CSMD3: variants seen among roughly 807,000 people sequenced by gnomAD.
The protein encoded by CSMD3 is CUB and Sushi multiple domains 3.
A neutral mutation model predicts 435.2 loss-of-function variants in CSMD3; 177 were observed. The observed-to-expected ratio is 0.41, with a 90% CI of 0.36 to 0.46. CSMD3 has a LOEUF of 0.46. Ranked by LOEUF, CSMD3 falls within the 20% of genes least tolerant of loss-of-function variation. CSMD3 has a pLI of 0.34. For missense variants in CSMD3, 4,265 were observed against 4,504.6 expected (o/e 0.95, Z 1.52); for synonymous variants, 1,656 against 1,520.5 (o/e 1.09, Z -2.07).
chr8:112,272,601 C>T (rs368759274), intron 59 of CSMD3, among the ~76,000 whole-genome samples: 7 of 152,002 alleles, frequency 4.6e-5, no homozygotes, highest in South Asian at 2.1e-4. Flanking sequence ...GAGCTCTGCC[C>T]GTAGTCAGGA....
chr8:112,962,853 T>C (rs2084281379), intron 7 of CSMD3, among the ~76,000 whole-genome samples: 1 of 151,974 alleles, frequency 6.6e-6, no homozygotes, highest in African/African-American at 2.4e-5. Context: ...TCTGAATGGC[T>C]ACATCCTTGC....
At chr8:113,432,502 G>A (rs947941701) in intron 1 of CSMD3, among the ~76,000 whole-genome samples, 1 of 152,228 alleles carries the variant, frequency 6.6e-6, no homozygotes, top group Non-Finnish European at 1.5e-5. Context: ...CTACTCAGAT[G>A]GCACTATGCT....
At chr8:112,952,355 A>G (rs1308710553) in intron 8 of CSMD3, among the ~76,000 whole-genome samples, 2 of 151,676 alleles carry the variant, frequency 1.3e-5, no homozygotes, top group East Asian at 1.9e-4. Context: ...CGTGCCCATC[A>G]TAGAATTGAT....
chr8:112,685,749 A>T lies in CSMD3; in HGVS notation c.2156-17T>A. ...GGCAGGGAACTGGTGAAACAGGAAG[A>T]TTATGAAATACAATAAATATTCAAA... On this transcript the variant is annotated splice_polypyrimidine_tract_variant and intron_variant, in intron 14 of 70. Coordinates refer to ENST00000297405, the MANE Select transcript of CSMD3 (RefSeq NM_198123.2). 1 of 1,441,922 alleles carries T rather than the reference A, an allele frequency of 6.9e-7. No homozygotes were observed. The highest frequency in any genetic ancestry group is 9.8e-7 in the Non-Finnish European group (1 of 1,024,634). 89.3% of individuals were successfully genotyped at this position (1,441,922 alleles called of 1,614,324 possible).
chr8:112,919,572 T>C (rs1199806758), intron 10 of CSMD3, among the ~76,000 whole-genome samples: 1 of 151,820 alleles, frequency 6.6e-6, no homozygotes, highest in Non-Finnish European at 1.5e-5. Flanking sequence ...TTCTCTGTCA[T>C]CTATTTTCAC....
chr8:113,342,169 A>AT (rs1162183461), intron 1 of CSMD3, among the ~76,000 whole-genome samples: 2 of 152,150 alleles, frequency 1.3e-5, no homozygotes, highest in African/African-American at 4.8e-5. Context: ...AGTAGAAATA[A>AT]TTAAACTGTG....
chr8:113,111,357 G>C (rs1015106333), intron 4 of CSMD3, among the ~76,000 whole-genome samples: 3 of 152,072 alleles, frequency 2.0e-5, no homozygotes, highest in Non-Finnish European at 4.4e-5. Flanking sequence ...TTGGAGATGA[G>C]ACATTTGAAA....
intron 1 of CSMD3, among the ~76,000 whole-genome samples, chr8:113,377,674 C>T (rs777614208): frequency 3.9e-5 from 6 of 152,148 alleles, no homozygotes; most frequent in Admixed American, 1.3e-4. Context: ...TAGCAAAGCA[C>T]CACACTTGGA....
intron 1 of CSMD3, among the ~76,000 whole-genome samples, chr8:113,322,849 G>C (rs970127202): frequency 6.6e-6 from 1 of 152,054 alleles, no homozygotes; most frequent in Admixed American, 6.5e-5. Context: ...GGGTTCAAGC[G>C]ATTGTCGTGT....
chr8:112,830,658 A>C (rs557360034), intron 11 of CSMD3, among the ~76,000 whole-genome samples: 1 of 152,086 alleles, frequency 6.6e-6, no homozygotes, highest in Non-Finnish European at 1.5e-5. Context: ...TGAAGTTACC[A>C]TATTATGAGA....
At chr8:113,012,558 A>G (rs1340846714) in intron 6 of CSMD3, among the ~76,000 whole-genome samples, 1 of 152,028 alleles carries the variant, frequency 6.6e-6, no homozygotes, top group African/African-American at 2.4e-5. Context: ...GTGAATTCTC[A>G]GAAGAGCTGA....
In CSMD3 at chr8:112,650,353, G is replaced by C. The variant is rs766382905; in HGVS notation, c.3005-4C>G. On this transcript the variant is annotated splice_region_variant and splice_polypyrimidine_tract_variant and intron_variant, in intron 18 of 70. Coordinates refer to ENST00000297405, the MANE Select transcript of CSMD3 (RefSeq NM_198123.2). ...GAATACGTGTTCACTGTAACACCTG[G>C]AAAACAAAGGGAAGAAAATAAAGAG... The C allele has an allele frequency of 4.3e-6, 7 of 1,609,898 alleles. No individual in the cohort carries two copies. The East Asian group carries it at 1.6e-4, about 36-fold the overall frequency.
At chr8:112,644,464 A>G (rs1012706127) in intron 20 of CSMD3, among the ~76,000 whole-genome samples, 1 of 152,060 alleles carries the variant, frequency 6.6e-6, no homozygotes, top group African/African-American at 2.4e-5. Context: ...AGGTTGTAAA[A>G]GTTTTATGAG....
At chr8:112,680,488 G>A (rs1235360828) in intron 16 of CSMD3, among the ~76,000 whole-genome samples, 5 of 152,180 alleles carry the variant, frequency 3.3e-5, no homozygotes, top group African/African-American at 1.2e-4. Flanking sequence ...GAAAAACTAA[G>A]TATTACTATC....
In CSMD3 at chr8:112,301,789, G is replaced by A; in HGVS notation, c.8440+4C>T. 6.2e-7 allele frequency: 1 copy of A among 1,612,140 alleles called. No homozygotes were observed. Among genetic ancestry groups the A allele is most frequent in the Non-Finnish European group, 8.5e-7 (1 of 1,178,356 alleles). On this transcript the variant is annotated splice_donor_region_variant and intron_variant, in intron 53 of 70. Transcript: ENST00000297405. ...TTTGACAAAAACAAATTAAAAATCT[G>A]TACCTAGGCATCTGGTTTCAGATTC...
chr8:113,038,118 G>A (rs1376493628), intron 5 of CSMD3, among the ~76,000 whole-genome samples: 2 of 152,088 alleles, frequency 1.3e-5, no homozygotes, highest in African/African-American at 2.4e-5. Flanking sequence ...TGGGGCAAAA[G>A]GGCAGGAACA....
intron 30 of CSMD3, among the ~76,000 whole-genome samples, chr8:112,501,576 C>T (rs957099058): frequency 2.0e-5 from 3 of 152,122 alleles, no homozygotes; most frequent in Non-Finnish European, 4.4e-5. Context: ...AGCTCTCATC[C>T]TCTGATTTTT....
chr8:112,553,648 A>T (rs1353373843), intron 25 of CSMD3, among the ~76,000 whole-genome samples: 1 of 152,000 alleles, frequency 6.6e-6, no homozygotes, highest in East Asian at 1.9e-4. Context: ...AAAACAAGTG[A>T]CTCCATTTTG....
chr8:113,107,217 C>A (rs1390560002), intron 4 of CSMD3, among the ~76,000 whole-genome samples: 1 of 152,204 alleles, frequency 6.6e-6, no homozygotes, highest in South Asian at 2.1e-4. Context: ...TGGCATCAGG[C>A]AGGGCCTGAT....
Sources: gnomAD v4.1 joint callset for allele counts (sites outside exome capture counted in the v4.1 genomes callset) on GRCh38, gnomAD v4.1.1 for gene constraint, MANE v1.5 for transcripts, NCBI Gene and HGNC (gene_info 2026-07-23, HGNC 2026-07-21) for gene names.